SYN3: variants seen among roughly 807,000 people sequenced by gnomAD.
SYN3 encodes synapsin III, also known as synapsin-3.
In SYN3, 35 loss-of-function variants were observed where a neutral mutation model predicts 65.8. The ratio of observed to expected loss-of-function variants is 0.53; its 90% CI spans 0.41 to 0.70. The LOEUF (loss-of-function observed/expected upper bound fraction) is 0.70. SYN3 is among the 30% of genes least tolerant of loss of function. The probability of loss-of-function intolerance (pLI) is 0.00; values close to 1 mark genes in which losing one functional copy is unlikely to be tolerated. For synonymous variants in SYN3, 270 were observed against 292.9 expected, an observed-to-expected ratio of 0.92 and a Z score of 0.80; for missense variants, 680 against 749.0, an observed-to-expected ratio of 0.91 and a Z score of 1.08.
intron 6 of SYN3, among the ~76,000 whole-genome samples, chr22:32,712,550 C>T (rs997120): frequency 0.19 from 28,559 of 151,950 alleles, 3,848 homozygotes; most frequent in East Asian, 0.63. Flanking sequence ...ATAATCAGCC[C>T]GAGCGGGGAT....
intron 6 of SYN3, among the ~76,000 whole-genome samples, chr22:32,731,899 G>C (rs569443940): frequency 6.6e-6 from 1 of 152,288 alleles, no homozygotes; most frequent in Admixed American, 6.5e-5. Flanking sequence ...TGCTCAACTA[G>C]CTGTGAACCA....
chr22:32,810,118 C>T (rs1357535078), intron 6 of SYN3, among the ~76,000 whole-genome samples: 1 of 152,202 alleles, frequency 6.6e-6, no homozygotes, highest in South Asian at 2.1e-4. Context: ...AAGGGACTTA[C>T]TAAATACTGT....
In SYN3 at chr22:32,559,159, G is replaced by A. The variant is rs534686759; in HGVS notation, c.775-17446C>T. Among the ~76,000 whole-genome samples, 188 of 152,286 alleles carry A rather than the reference G, an allele frequency of 1.2e-3. 1 individual carries two copies. The highest frequency in any genetic ancestry group is 4.4e-3 in the African/African-American group (183 of 41,564). ...GCCCAGCAAGGTTATGTCATTGGCT[G>A]CAGGACTCACAGCTGGAACAGAAAA... On this transcript the variant is annotated intron_variant, in intron 7 of 13. Transcript: ENST00000358763.
At chr22:32,884,160 T>C (rs2146435372) in intron 4 of SYN3, among the ~76,000 whole-genome samples, 2 of 152,328 alleles carry the variant, frequency 1.3e-5, no homozygotes, top group South Asian at 4.2e-4. Flanking sequence ...GCTAACACAT[T>C]TCCCAACAAA....
chr22:32,522,021 G>T (rs1177271095), intron 12 of SYN3, among the ~76,000 whole-genome samples: 4 of 152,098 alleles, frequency 2.6e-5, no homozygotes, highest in Non-Finnish European at 4.4e-5. Context: ...ATTTCTTTCG[G>T]CTTCTTGGCA....
chr22:32,677,661 C>T lies in SYN3; in HGVS notation c.712-80925G>A, dbSNP rs906577660. Among the ~76,000 whole-genome samples the T allele has an allele frequency of 9.2e-3, 1,395 of 151,932 alleles. 23 individuals carry two copies. The highest frequency in any genetic ancestry group is 0.031 in the African/African-American group (1,285 of 41,454). The stretch of plus-strand genomic sequence containing the variant: ...AAAATACAAAAAAAAATTAGCCGGT[C>T]GTGGTGGCGGGCGCCTGTAGTCCCA... On this transcript the variant is annotated intron_variant, in intron 6 of 13. Transcript: ENST00000358763.
chr22:32,864,167 T>C (rs1005450635), intron 6 of SYN3, among the ~76,000 whole-genome samples: 22 of 152,186 alleles, frequency 1.4e-4, no homozygotes, highest in African/African-American at 5.1e-4. Flanking sequence ...TATTCATTAT[T>C]CTGTTCCCAA....
intron 4 of SYN3, among the ~76,000 whole-genome samples, chr22:32,890,405 G>A (rs1265026759): frequency 6.6e-6 from 1 of 151,202 alleles, no homozygotes. Context: ...ATTTGAGACA[G>A]AGTCTCGCTC....
chr22:32,665,659 GA>G (rs931233615), intron 6 of SYN3, among the ~76,000 whole-genome samples: 37 of 151,928 alleles, frequency 2.4e-4, no homozygotes, highest in African/African-American at 8.5e-4. Context: ...TGGCCTTTAG[GA>G]CCCAACCTCC....
intron 2 of SYN3, among the ~76,000 whole-genome samples, chr22:32,997,700 T>A (rs558050477): frequency 6.6e-6 from 1 of 151,988 alleles, no homozygotes; most frequent in South Asian, 2.1e-4. Context: ...TTCAGCTGGA[T>A]TGAGTCAAGG....
intron 6 of SYN3, among the ~76,000 whole-genome samples, chr22:32,721,543 A>G (rs762535600): frequency 6.6e-6 from 1 of 152,236 alleles, no homozygotes; most frequent in Non-Finnish European, 1.5e-5. Flanking sequence ...CCTTTATTTT[A>G]TCAATGGGCA....
intron 6 of SYN3, among the ~76,000 whole-genome samples, chr22:32,725,573 G>A (rs1029437323): frequency 6.6e-6 from 1 of 152,156 alleles, no homozygotes; most frequent in Non-Finnish European, 1.5e-5. Context: ...GTGAAATTAG[G>A]AGGCAGAAGA....
At chr22:32,963,375 C>T (rs1320189920) in intron 3 of SYN3, among the ~76,000 whole-genome samples, 1 of 151,646 alleles carries the variant, frequency 6.6e-6, no homozygotes, top group Non-Finnish European at 1.5e-5. Context: ...GCATGAGCCA[C>T]TGTGCCTGGC....
intron 3 of SYN3, among the ~76,000 whole-genome samples, chr22:32,977,009 T>C (rs1601825596): frequency 6.6e-6 from 1 of 151,676 alleles, no homozygotes; most frequent in South Asian, 2.1e-4. Context: ...GGGGGGTTGC[T>C]TGTGTGTTCC....
At chr22:32,555,451 C>G (rs925376813) in intron 7 of SYN3, among the ~76,000 whole-genome samples, 6 of 152,198 alleles carry the variant, frequency 3.9e-5, no homozygotes, top group South Asian at 2.1e-4. Context: ...AGTTGCTCAC[C>G]CTGCTGAGTT....
intron 4 of SYN3, among the ~76,000 whole-genome samples, chr22:32,899,055 T>C (rs149123781): frequency 8.9e-5 from 12 of 134,348 alleles, no homozygotes; most frequent in Admixed American, 1.5e-4. Context: ...TGAGCTGAGA[T>C]TGTGCCACTG....
intron 6 of SYN3, among the ~76,000 whole-genome samples, chr22:32,675,865 C>T (rs1401839604): frequency 1.3e-5 from 2 of 152,166 alleles, no homozygotes; most frequent in African/African-American, 2.4e-5. Flanking sequence ...CCCCTTTGCC[C>T]TAGGAGCCCC....
In SYN3 at chr22:32,742,273, G is replaced by GTAAA. The variant is rs375722365; in HGVS notation, c.711+122638_711+122641dup. ...CCTGAGTGACAGAGTCCATCTCAAA[G>GTAAA]TAAATAAATAAATAAATAAATAAGT... On this transcript the variant is annotated intron_variant, in intron 6 of 13. Transcript: ENST00000358763. Among the ~76,000 whole-genome samples, 1,183 of 151,512 alleles carry GTAAA rather than the reference G, an allele frequency of 7.8e-3. 5 individuals carry two copies. Among genetic ancestry groups the GTAAA allele is most frequent in the Non-Finnish European group, 0.012 (783 of 67,892 alleles).
At chr22:32,925,128 T>C (rs2050435472) in intron 4 of SYN3, among the ~76,000 whole-genome samples, 1 of 152,166 alleles carries the variant, frequency 6.6e-6, no homozygotes, top group Non-Finnish European at 1.5e-5. Context: ...GTTGGTTTTC[T>C]TTCTGAGGGT....
Sources: gnomAD v4.1 joint callset for allele counts (sites outside exome capture counted in the v4.1 genomes callset) on GRCh38, gnomAD v4.1.1 for gene constraint, MANE v1.5 for transcripts, NCBI Gene and HGNC (gene_info 2026-07-23, HGNC 2026-07-21) for gene names.